Variants in JPH2 observed in about 807,000 individuals in gnomAD.
JPH2 encodes junctophilin-2.
A neutral mutation model predicts 55.9 loss-of-function variants in JPH2; 38 were observed. The ratio of observed to expected loss-of-function variants is 0.68; its 90% CI spans 0.52 to 0.89. JPH2 has a LOEUF of 0.89. JPH2 is among the 40% of genes least tolerant of loss of function. The pLI, the probability that JPH2 is intolerant of heterozygous loss-of-function variation, is 0.00. For missense variants in JPH2, 964 were observed against 1,037.6 expected, an observed-to-expected ratio of 0.93 and a Z score of 0.97; for synonymous variants, 480 against 472.4, an observed-to-expected ratio of 1.02 and a Z score of -0.21.
chr20:44,134,632 T>A lies in JPH2; in HGVS notation c.1170-16009A>T, dbSNP rs866042693. On this transcript the variant is annotated intron_variant, in intron 2 of 5. Coordinates refer to ENST00000372980, the MANE Select transcript of JPH2 (RefSeq NM_020433.5). ...ATAAATATAATAAATATATATTTAT[T>A]ATAAATATATAAATATTTATTATAA... is the stretch of plus-strand genomic sequence containing the variant. Among the ~76,000 whole-genome samples the A allele has an allele frequency of 4.6e-3, 168 of 36,192 alleles. 10 individuals are homozygous for A. The highest frequency in any genetic ancestry group is 0.022 in the African/African-American group (156 of 7,242). 23.7% of individuals were successfully genotyped at this position (36,192 alleles called of 152,430 possible).
chr20:44,109,728 G>T lies in JPH2; in HGVS notation c.*3790C>A, dbSNP rs1301454079. 1.3e-5 allele frequency among the ~76,000 whole-genome samples: 2 copies of T among 152,166 alleles called. No homozygotes were observed. Among genetic ancestry groups the T allele is most frequent in the Non-Finnish European group, 2.9e-5 (2 of 68,022 alleles). On this transcript the variant is annotated 3_prime_UTR_variant, in exon 6 of 6. Transcript: ENST00000372980. ...TATTCTGAGTCACTTATTTGGGGGA[G>T]AGCATCTTCATATCAGTTTTTCAGG...
intron 1 of JPH2, among the ~76,000 whole-genome samples, chr20:44,175,652 G>C (rs546298302): frequency 1.3e-4 from 20 of 152,202 alleles, no homozygotes; most frequent in African/African-American, 2.2e-4. Flanking sequence ...AGCCCGCAAG[G>C]CTCCACCACC....
At position 44,161,446 on chromosome 20, in the gene JPH2, G is replaced by A. The variant is rs973016650; in HGVS notation, c.380-1039C>T. Among the ~76,000 whole-genome samples, 184 of 152,246 alleles carry A rather than the reference G, an allele frequency of 1.2e-3. 2 individuals carry two copies. Among genetic ancestry groups the A allele is most frequent in the Non-Finnish European group, 3.1e-4 (21 of 68,004 alleles). On this transcript the variant is annotated intron_variant, in intron 1 of 5. Transcript: ENST00000372980. ...AGAGGCAGCAGGGAGTAGTGGTTCA[G>A]AGCACAAACTCCAGAGCCAGGCTCC...
chr20:44,129,000 A>G (rs1190408062), intron 2 of JPH2, among the ~76,000 whole-genome samples: 1 of 152,184 alleles, frequency 6.6e-6, no homozygotes, highest in Admixed American at 6.5e-5. Flanking sequence ...TAGAGAGAGA[A>G]CTGACCAGCA....
At chr20:44,118,753 TG>T (rs1328166198) in intron 2 of JPH2, 130 bp from the exon 3 acceptor site, 6 of 763,690 alleles carry the variant, frequency 7.9e-6, no homozygotes, top group Non-Finnish European at 1.1e-5. Context: ...GAATATTTAT[TG>T]AGCCTCATGG....
At chr20:44,183,120 G>C (rs2072800241) in intron 1 of JPH2, among the ~76,000 whole-genome samples, 1 of 152,090 alleles carries the variant, frequency 6.6e-6, no homozygotes, top group Non-Finnish European at 1.5e-5. Context: ...AAGAGAAGAG[G>C]GATGGGAACA....
intron 1 of JPH2, among the ~76,000 whole-genome samples, chr20:44,161,183 GA>G (rs1304090238): frequency 6.6e-6 from 1 of 152,182 alleles, no homozygotes; most frequent in Non-Finnish European, 1.5e-5. Flanking sequence ...ATGAGGTTCT[GA>G]GTGTGCAAGG....
chr20:44,169,369 G>A (rs575358273), intron 1 of JPH2, among the ~76,000 whole-genome samples: 162 of 152,062 alleles, frequency 1.1e-3, no homozygotes, highest in African/African-American at 3.8e-3. Flanking sequence ...GTAGAGACGG[G>A]GTTTTTCACT....
intron 2 of JPH2, among the ~76,000 whole-genome samples, chr20:44,127,524 C>T (rs904741592): frequency 5.4e-5 from 8 of 148,184 alleles, no homozygotes; most frequent in African/African-American, 7.4e-5. Flanking sequence ...CTCGCTCTGT[C>T]GCCCAGGCTG....
chr20:44,150,422 G>C (rs1282294742), intron 2 of JPH2, among the ~76,000 whole-genome samples: 2 of 152,214 alleles, frequency 1.3e-5, no homozygotes, highest in African/African-American at 4.8e-5. Context: ...CATGTTCATG[G>C]ATTGGAAGAC....
intron 2 of JPH2, among the ~76,000 whole-genome samples, chr20:44,121,595 CT>C (rs1286820690): frequency 2.2e-5 from 1 of 45,732 alleles, no homozygotes. Context: ...ATGCCAAGGG[CT>C]TTACAGAAAT....
At chr20:44,134,084 T>TATAAATA (rs1384905382) in intron 2 of JPH2, among the ~76,000 whole-genome samples, 2,432 of 19,150 alleles carry the variant, frequency 0.13, 963 homozygotes, top group African/African-American at 0.25. Context: ...TATATATTTA[T>TATAAATA]TATAAATATA....
In JPH2 at chr20:44,162,754, A is replaced by G. The variant is rs1600859588; in HGVS notation, c.380-2347T>C. 2.0e-4 allele frequency among the ~76,000 whole-genome samples: 8 copies of G among 40,606 alleles called. No homozygotes were observed. The South Asian group carries it at 7.7e-3, about 39-fold the overall frequency. The allele number at this position is 40,606 out of a possible 152,430, so 26.6% of individuals were successfully genotyped here. A position where few individuals can be genotyped will look rare whatever the true frequency, so the allele number is the denominator to read the frequency against. ...CTCCTTAATAAACTTCCATATATAT[A>G]TATATATATATATATATATATATAT... On this transcript the variant is annotated intron_variant, in intron 1 of 5. Coordinates refer to ENST00000372980, the MANE Select transcript of JPH2 (RefSeq NM_020433.5).
intron 1 of JPH2, among the ~76,000 whole-genome samples, chr20:44,164,039 AG>A (rs1216468915): frequency 6.6e-6 from 1 of 152,260 alleles, no homozygotes; most frequent in African/African-American, 2.4e-5. Context: ...TCTATTTCAT[AG>A]GTAGGTTGAT....
intron 4 of JPH2, 80 bp downstream of exon 4, chr20:44,115,585 C>G: frequency 1.3e-6 from 2 of 1,586,392 alleles, no homozygotes; most frequent in South Asian, 2.2e-5. Flanking sequence ...ACCCCCAAAT[C>G]CCCTGCCCCT....
intron 2 of JPH2, among the ~76,000 whole-genome samples, chr20:44,132,613 T>C (rs1489997170): frequency 6.6e-6 from 1 of 151,110 alleles, no homozygotes; most frequent in Non-Finnish European, 1.5e-5. Context: ...TTCCTGCCTG[T>C]CTGTCTCCTC....
chr20:44,138,009 C>CT lies in JPH2; in HGVS notation c.1170-19387dup, dbSNP rs556691395. Among the ~76,000 whole-genome samples, 722 of 140,746 alleles carry CT rather than the reference C, an allele frequency of 5.1e-3. 2 individuals carry two copies. Among genetic ancestry groups the CT allele is most frequent in the Middle Eastern group, 0.018 (5 of 278 alleles). 92.3% of individuals were successfully genotyped at this position (140,746 alleles called of 152,430 possible). A position where few individuals can be genotyped will look rare whatever the true frequency, so the allele number is the denominator to read the frequency against. On this transcript the variant is annotated intron_variant, in intron 2 of 5. Coordinates refer to ENST00000372980, the MANE Select transcript of JPH2 (RefSeq NM_020433.5). ...AAAAAGAGAAAAAATTTAAAAAGAC[C>CT]TTTTTTTTTTTTTTTTGAGACGGAG...
chr20:44,151,762 A>G (rs1180068352), intron 2 of JPH2, among the ~76,000 whole-genome samples: 1 of 152,128 alleles, frequency 6.6e-6, no homozygotes, highest in Middle Eastern at 3.2e-3. Context: ...AGCCCGTACT[A>G]ACCTGGCCCT....
At chr20:44,173,877 C>T (rs2072715174) in intron 1 of JPH2, among the ~76,000 whole-genome samples, 2 of 152,318 alleles carry the variant, frequency 1.3e-5, no homozygotes, top group African/African-American at 4.8e-5. Flanking sequence ...CGTACCACTG[C>T]ACTCCAGCCT....
Sources: allele counts gnomAD v4.1 joint callset (sites outside exome capture counted in the v4.1 genomes callset), GRCh38; gene constraint gnomAD v4.1.1; transcripts MANE v1.5; gene names NCBI Gene and HGNC (gene_info 2026-07-23, HGNC 2026-07-21).